The following CECR2 variants were observed in gnomAD, a reference collection of about 807,000 sequenced individuals.
CECR2 encodes CECR2 histone acetyl-lysine reader.
In CECR2, 30 loss-of-function variants were observed where a neutral mutation model predicts 154.5. The ratio of observed to expected loss-of-function variants is 0.19; its 90% CI spans 0.15 to 0.26. The LOEUF is 0.26. Among genes scored for constraint, CECR2 ranks in the 10% least tolerant of loss-of-function variants. CECR2 has a pLI of 1.00. For synonymous variants in CECR2, 725 were observed against 683.7 expected, an observed-to-expected ratio of 1.06 and a Z score of -0.94; for missense variants, 1,743 against 1,829.3, an observed-to-expected ratio of 0.95 and a Z score of 0.86.
At chr22:17,454,929 A>G (rs990195632) in intron 1 of CECR2, among the ~76,000 whole-genome samples, 3 of 152,238 alleles carry the variant, frequency 2.0e-5, no homozygotes, top group African/African-American at 7.2e-5. Context: ...CAGTTGTGCC[A>G]TGAGAGTACA....
chr22:17,373,869 A>T (rs1217899837), intron 1 of CECR2, among the ~76,000 whole-genome samples: 1 of 152,254 alleles, frequency 6.6e-6, no homozygotes, highest in Admixed American at 6.5e-5. Flanking sequence ...CAGTTAAATC[A>T]AGTATTTTAT....
intron 7 of CECR2, 111 bp downstream of exon 7, chr22:17,505,127 A>G: frequency 1.9e-6 from 2 of 1,061,950 alleles, no homozygotes; most frequent in Non-Finnish European, 2.7e-6. Flanking sequence ...GAAATAGTGC[A>G]GTCTTCCATC....
Position 17,417,370 on chromosome 22 carries a change from T to C in CECR2, c.126+47461T>C, listed in dbSNP as rs1449482793. Reference sequence around the variant, plus strand: ...AGGTGTTATTGCTACGATTTCTGCTTAGGATGAAAAGTAAAATTGTGGCTC... The same window carrying C: ...AGGTGTTATTGCTACGATTTCTGCTCAGGATGAAAAGTAAAATTGTGGCTC... On this transcript the variant is annotated intron_variant, in intron 1 of 18. Transcript: ENST00000262608. 2.0e-5 allele frequency among the ~76,000 whole-genome samples: 3 copies of C among 152,226 alleles called. No homozygotes were observed. The East Asian group carries it at 5.8e-4, about 29-fold the overall frequency.
intron 8 of CECR2, among the ~76,000 whole-genome samples, chr22:17,517,408 T>G (rs1391327849): frequency 6.6e-6 from 1 of 152,242 alleles, no homozygotes; most frequent in African/African-American, 2.4e-5. Flanking sequence ...ATGTAGTTCT[T>G]TATAGCAGTG....
intron 1 of CECR2, among the ~76,000 whole-genome samples, chr22:17,454,267 C>T (rs1032866486): frequency 1.3e-5 from 2 of 151,804 alleles, no homozygotes; most frequent in Non-Finnish European, 2.9e-5. Flanking sequence ...CCACTGCACC[C>T]CAGCCTGGAT....
chr22:17,371,134 T>G (rs183723846), intron 1 of CECR2, among the ~76,000 whole-genome samples: 17 of 152,318 alleles, frequency 1.1e-4, no homozygotes, highest in African/African-American at 3.8e-4. Context: ...TTTTTAGATT[T>G]AGTCGTGTTT....
At chr22:17,392,997 G>A (rs1350267022) in intron 1 of CECR2, among the ~76,000 whole-genome samples, 5 of 152,022 alleles carry the variant, frequency 3.3e-5, no homozygotes, top group South Asian at 2.1e-4. Flanking sequence ...TTGAGATCAC[G>A]CCACTGCACT....
At chr22:17,403,793 C>A (rs1221626099) in intron 1 of CECR2, among the ~76,000 whole-genome samples, 2 of 151,766 alleles carry the variant, frequency 1.3e-5, no homozygotes, top group East Asian at 1.9e-4. Flanking sequence ...AATCTAAGGT[C>A]ACAAAGGTTT....
chr22:17,497,262 C>T (rs1462880031), intron 2 of CECR2, 141 bp from the exon 3 acceptor site: 1 of 791,678 alleles, frequency 1.3e-6, no homozygotes, highest in Non-Finnish European at 1.9e-6. Flanking sequence ...TGTGCTCTAG[C>T]CTGGATGACA....
chr22:17,553,703 T>C lies in CECR2; in HGVS notation c.*863T>C, dbSNP rs562940872. 6.6e-6 allele frequency: 1 copy of C among 152,300 alleles called. No individual in the cohort carries two copies. Among genetic ancestry groups the C allele is most frequent in the Non-Finnish European group, 1.5e-5 (1 of 68,032 alleles). 9.4% of individuals were successfully genotyped at this position (152,300 alleles called of 1,614,324 possible). The stretch of plus-strand genomic sequence containing the variant: ...CTGGTGGCCCAAATTGAGAAAGTGG[T>C]GTCCCTTCCTGATTTTGCCACCAGC... On this transcript the variant is annotated 3_prime_UTR_variant, in exon 19 of 19. Transcript: ENST00000262608.
intron 1 of CECR2, among the ~76,000 whole-genome samples, chr22:17,407,706 C>T (rs2054006186): frequency 6.6e-6 from 1 of 152,102 alleles, no homozygotes; most frequent in African/African-American, 2.4e-5. Flanking sequence ...CAGTGGTTCT[C>T]AACGGGGTGA....
In CECR2 at chr22:17,527,819, C is replaced by T. The variant is rs888271678; in HGVS notation, c.1108+3548C>T. On this transcript the variant is annotated intron_variant, in intron 9 of 18. Transcript: ENST00000262608. ...AGCTTATGAAAAAAGTGCTCAGTAT[C>T]ATTGATCATCAGAGAAATGGAAATC... Among the ~76,000 whole-genome samples the T allele has an allele frequency of 2.0e-5, 3 of 149,496 alleles. No individual in the cohort carries two copies. In the South Asian group the frequency reaches 6.4e-4, roughly 32 times the overall value.
At chr22:17,453,295 A>G (rs1453185090) in intron 1 of CECR2, among the ~76,000 whole-genome samples, 1 of 152,110 alleles carries the variant, frequency 6.6e-6, no homozygotes, top group Non-Finnish European at 1.5e-5. Context: ...TACAAAAATT[A>G]ACTGGACACG....
At chr22:17,450,746 T>A (rs1012006802) in intron 1 of CECR2, among the ~76,000 whole-genome samples, 7 of 152,374 alleles carry the variant, frequency 4.6e-5, no homozygotes, top group Non-Finnish European at 8.8e-5. Flanking sequence ...TTATCCATTA[T>A]CATAAATGGC....
chr22:17,551,235 A>T, intron 17 of CECR2, among the ~76,000 whole-genome samples: 1 of 151,970 alleles, frequency 6.6e-6, no homozygotes, highest in East Asian at 1.9e-4. Context: ...CGATTACCAC[A>T]CTCAAGGCAA....
intron 6 of CECR2, 46 bp downstream of exon 6, chr22:17,503,177 T>A (rs757143165): frequency 6.5e-7 from 1 of 1,537,714 alleles, no homozygotes; most frequent in Non-Finnish European, 8.9e-7. Flanking sequence ...TAAATATGAT[T>A]CATTTATGCT....
At chr22:17,489,396 G>C (rs1484129588) in intron 2 of CECR2, among the ~76,000 whole-genome samples, 1 of 152,094 alleles carries the variant, frequency 6.6e-6, no homozygotes, top group Non-Finnish European at 1.5e-5. Context: ...GTCTTTTTTG[G>C]TGAAATATTT....
At chr22:17,370,848 C>T (rs1470776528) in intron 1 of CECR2, among the ~76,000 whole-genome samples, 6 of 152,174 alleles carry the variant, frequency 3.9e-5, no homozygotes, top group Non-Finnish European at 8.8e-5. Flanking sequence ...GAGAATTAGT[C>T]GATTGGTTGG....
chr22:17,448,901 A>T (rs1302115524), intron 1 of CECR2, among the ~76,000 whole-genome samples: 1 of 150,280 alleles, frequency 6.7e-6, no homozygotes, highest in African/African-American at 2.4e-5. Context: ...TTTTTTGGAG[A>T]TGGAGTCTCG....
Sources: gnomAD v4.1 joint callset for allele counts (sites outside exome capture counted in the v4.1 genomes callset) on GRCh38, gnomAD v4.1.1 for gene constraint, MANE v1.5 for transcripts, NCBI Gene and HGNC (gene_info 2026-07-23, HGNC 2026-07-21) for gene names.